Variants in PWWP2A observed in about 807,000 individuals in gnomAD.
The protein encoded by PWWP2A is PWWP domain containing 2A.
Under a neutral mutation model 48.5 loss-of-function variants are expected in PWWP2A, and 18 were observed. The ratio of observed to expected loss-of-function variants is 0.37; its 90% CI spans 0.26 to 0.55. PWWP2A has a LOEUF of 0.55. Ranked by LOEUF, PWWP2A falls within the 20% of genes least tolerant of loss-of-function variation. The pLI, the probability that PWWP2A is intolerant of heterozygous loss-of-function variation, is 0.81. For missense variants in PWWP2A, 867 were observed against 976.4 expected, an observed-to-expected ratio of 0.89 and a Z score of 1.49; for synonymous variants, 396 against 387.7, an observed-to-expected ratio of 1.02 and a Z score of -0.25.
In PWWP2A at chr5:160,093,737, C is replaced by T. The variant is rs1460152661; in HGVS notation, c.913G>A (p.Glu305Lys). 6 of 1,613,876 alleles carry T rather than the reference C, an allele frequency of 3.7e-6. No homozygotes were observed. Among genetic ancestry groups the T allele is most frequent in the African/African-American group, 2.7e-5 (2 of 74,910 alleles). ...ATAGCATTCATTATTGAAGTGGGTT[C>T]TTCCCTGTACATTTTTCGTTTGGGT... The part of the protein sequence containing the change: ...KRPKRKMYRE[E>K]PTSIMNAIKL... Residue 305 changes from glutamate (E) to lysine (K), a missense_variant, in exon 2 of 2, where the codon GAA (glutamate) becomes AAA (lysine). Around this residue, in one of 4 missense-constraint regions of PWWP2A, gnomAD observed 382 missense variants for 407.2 expected, o/e 0.94. Coordinates refer to ENST00000307063, the MANE Select transcript of PWWP2A (RefSeq NM_001130864.2). The surrounding 1 kb of genome is among the most constrained non-coding windows in gnomAD (Gnocchi z 5.8).
At chr5:160,111,593 G>A (rs568496332) in intron 1 of PWWP2A, among the ~76,000 whole-genome samples, 11 of 152,014 alleles carry the variant, frequency 7.2e-5, no homozygotes, top group African/African-American at 2.4e-4. Flanking sequence ...ATGATCACAC[G>A]ACTGCACTCC....
In PWWP2A at chr5:160,112,498, A is replaced by G. The variant is rs547307972; in HGVS notation, c.584+6307T>C. 2.6e-5 allele frequency among the ~76,000 whole-genome samples: 4 copies of G among 152,280 alleles called. No individual in the cohort carries two copies. In the South Asian group the frequency reaches 8.3e-4, roughly 32 times the overall value. ...CAGCCTCCCAACTTGCTGAGATTAC[A>G]GGCATGAGCCACCACACCCGGCCAG... On this transcript the variant is annotated intron_variant, in intron 1 of 1. Coordinates refer to ENST00000307063, the MANE Select transcript of PWWP2A (RefSeq NM_001130864.2).
the PWWP2A span, chr5:160,049,556 G>A: frequency 6.2e-7 from 1 of 1,609,090 alleles, no homozygotes; most frequent in Non-Finnish European, 8.5e-7. Context: ...ATATTGAGGA[G>A]AGCAGAGTTG....
intron 2 of PWWP2A, among the ~76,000 whole-genome samples, chr5:160,082,629 A>G (rs1754328269): frequency 6.6e-6 from 1 of 152,124 alleles, no homozygotes; most frequent in Non-Finnish European, 1.5e-5. Flanking sequence ...ATGCCAAAAT[A>G]TTAACAAACC....
chr5:160,100,135 T>C (rs1756118168), intron 1 of PWWP2A, among the ~76,000 whole-genome samples: 1 of 151,180 alleles, frequency 6.6e-6, no homozygotes, highest in Non-Finnish European at 1.5e-5. Context: ...ACCCCATCTC[T>C]ACTAAAAATA....
At chr5:160,102,397 C>CA (rs70988002) in intron 1 of PWWP2A, among the ~76,000 whole-genome samples, 2,236 of 63,666 alleles carry the variant, frequency 0.035, 57 homozygotes, top group Non-Finnish European at 0.043. Flanking sequence ...GACTCCATCT[C>CA]AAAAAAAAAA....
At chr5:160,095,586 A>G (rs1356312431) in intron 1 of PWWP2A, among the ~76,000 whole-genome samples, 2 of 151,844 alleles carry the variant, frequency 1.3e-5, no homozygotes, top group Non-Finnish European at 2.9e-5. Flanking sequence ...GGCTTCAGGT[A>G]GTCAGTCACG....
chr5:160,089,989 C>T (rs1255223093), downstream of PWWP2A: 5 of 984,608 alleles, frequency 5.1e-6, no homozygotes, highest in Non-Finnish European at 6.0e-6. Context: ...GTTTAGAATA[C>T]ACATTTAAGA....
intron 1 of PWWP2A, among the ~76,000 whole-genome samples, chr5:160,109,767 AAAAAAAAATATATATATATAT>A (rs1431572849): frequency 2.7e-5 from 2 of 72,748 alleles, no homozygotes; most frequent in Non-Finnish European, 5.2e-5. Flanking sequence ...GAAAAAAAAA[AAAAAAAAATATATATATATAT>A]ATATATATAT....
intron 1 of PWWP2A, chr5:160,113,273 T>TG: frequency 1.0e-6 from 1 of 979,438 alleles, no homozygotes; most frequent in Non-Finnish European, 1.2e-6. Flanking sequence ...TCCTTTTTTT[T>TG]CACAGAATGA....
Position 160,078,192 on chromosome 5 carries a change from A to G in PWWP2A, c.1670-24T>C. On this transcript the variant is annotated intron_variant, in intron 3 of 3. Transcript: ENST00000456329. The surrounding 1 kb of genome is among the most constrained non-coding windows in gnomAD (Gnocchi z 4.2). ...TGCTGAAATATAGTAAAGAAAAGGA[A>G]GAAAATGTCGTTAAGCACAAGTAAT... The G allele has an allele frequency of 1.3e-6, 2 of 1,540,530 alleles. No homozygotes were observed. The highest frequency in any genetic ancestry group is 1.8e-6 in the Non-Finnish European group (2 of 1,136,104).
At chr5:160,049,695 T>A in the PWWP2A span, 2 of 1,489,396 alleles carry the variant, frequency 1.3e-6, no homozygotes, top group Non-Finnish European at 8.9e-7. Context: ...TATTTTTCCT[T>A]CTATTCTTTG....
downstream of PWWP2A, among the ~76,000 whole-genome samples, chr5:160,071,150 C>T (rs1246525615): frequency 2.6e-5 from 4 of 152,180 alleles, no homozygotes; most frequent in African/African-American, 9.7e-5. Context: ...GATGGCACCA[C>T]TGCATTCCAG....
the PWWP2A span, among the ~76,000 whole-genome samples, chr5:160,050,134 G>A: frequency 6.6e-6 from 1 of 151,808 alleles, no homozygotes; most frequent in African/African-American, 2.4e-5. Context: ...GGGCAACAGA[G>A]TAAGACTTTG....
chr5:160,071,996 T>A (rs1313699014), downstream of PWWP2A, among the ~76,000 whole-genome samples: 1 of 152,214 alleles, frequency 6.6e-6, no homozygotes, highest in Non-Finnish European at 1.5e-5. Context: ...CTTGAAGTGA[T>A]TTCAGTTAGG....
intron 1 of PWWP2A, among the ~76,000 whole-genome samples, chr5:160,101,592 A>G (rs1581231592): frequency 6.6e-6 from 1 of 152,290 alleles, no homozygotes; most frequent in Non-Finnish European, 1.5e-5. Flanking sequence ...GATCTGTTTC[A>G]CAACAATGTG....
At chr5:160,049,533 C>A in the PWWP2A span, 1 of 1,577,644 alleles carries the variant, frequency 6.3e-7, no homozygotes, top group Non-Finnish European at 8.6e-7. Flanking sequence ...TAAACCCCAG[C>A]TATATCAGGG....
chr5:160,061,447 A>G (rs1317937303), downstream of PWWP2A, among the ~76,000 whole-genome samples: 2 of 152,332 alleles, frequency 1.3e-5, no homozygotes, highest in South Asian at 2.1e-4. Flanking sequence ...TTTGGTGTAT[A>G]GACCATGTCA....
downstream of PWWP2A, among the ~76,000 whole-genome samples, chr5:160,056,844 G>T (rs1757560235): frequency 6.6e-6 from 1 of 152,204 alleles, no homozygotes; most frequent in Admixed American, 6.5e-5. Context: ...CCTGGACATT[G>T]TGTGCTTTTC....
Sources: gnomAD v4.1 joint callset for allele counts (sites outside exome capture counted in the v4.1 genomes callset) on GRCh38, gnomAD v4.1.1 for gene constraint, gnomAD v4.1.1 regional missense constraint, Gnocchi (gnomAD v3.1) non-coding constraint, MANE v1.5 for transcripts, NCBI Gene and HGNC (gene_info 2026-07-23, HGNC 2026-07-21) for gene names.